Variants in BNC2 observed in about 807,000 individuals in gnomAD.
The protein encoded by BNC2 is basonuclin zinc finger protein 2, also known as zinc finger protein basonuclin-2.
In BNC2, 20 loss-of-function variants were observed where a neutral mutation model predicts 76.3. The ratio of observed to expected loss-of-function variants is 0.26; its 90% CI spans 0.18 to 0.38. BNC2 has a LOEUF of 0.38. Among genes scored for constraint, BNC2 ranks in the 10% least tolerant of loss-of-function variants. The pLI, the probability that BNC2 is intolerant of heterozygous loss-of-function variation, is 1.00. For synonymous variants in BNC2, 582 were observed against 514.8 expected, an observed-to-expected ratio of 1.13 and a Z score of -1.77; for missense variants, 1,382 against 1,399.8, an observed-to-expected ratio of 0.99 and a Z score of 0.20.
chr9:16,565,933 G>A (rs907600890), intron 4 of BNC2, among the ~76,000 whole-genome samples: 6 of 148,612 alleles, frequency 4.0e-5, no homozygotes, highest in African/African-American at 1.6e-4. Flanking sequence ...AGCCAATTCG[G>A]CCAGGACATG....
intron 3 of BNC2, among the ~76,000 whole-genome samples, chr9:16,586,589 C>G (rs1819777086): frequency 9.3e-6 from 1 of 107,686 alleles, no homozygotes; most frequent in Non-Finnish European, 1.9e-5. Context: ...TTTCTGGCAT[C>G]AACTGCTCTC....
At chr9:16,855,322 G>T (rs1013564632) in intron 1 of BNC2, among the ~76,000 whole-genome samples, 3 of 152,130 alleles carry the variant, frequency 2.0e-5, no homozygotes, top group Non-Finnish European at 4.4e-5. Flanking sequence ...AGTGAATTTT[G>T]TGCTCTCTCT....
chr9:16,663,128 C>CTATTTTTTTTTTTTTTTTTTTTTTTT (rs1220327938), intron 3 of BNC2, among the ~76,000 whole-genome samples: 1 of 51,650 alleles, frequency 1.9e-5, no homozygotes, highest in African/African-American at 6.9e-5. Context: ...ACTCTGTTTA[C>CTATTTTTTTTTTTTTTTTTTTTTTTT]TCTTTTTTTT....
At chr9:16,438,565 A>C (rs1225606337) in intron 5 of BNC2, among the ~76,000 whole-genome samples, 2 of 152,150 alleles carry the variant, frequency 1.3e-5, no homozygotes, top group Non-Finnish European at 2.9e-5. Context: ...AGAGAGATCT[A>C]TTCAAACACT....
rs968821969 is a variant in BNC2, at chr9:16,418,794, T to C, written c.*195A>G. The C allele has an allele frequency of 1.7e-5, 11 of 650,930 alleles. No individual in the cohort carries two copies. The highest frequency in any genetic ancestry group is 2.9e-5 in the Admixed American group (1 of 33,958). 40.3% of individuals were successfully genotyped at this position (650,930 alleles called of 1,614,324 possible). On this transcript the variant is annotated 3_prime_UTR_variant, in exon 7 of 7. Transcript: ENST00000380672. Reference sequence around the variant, plus strand: ...AAACTATAAAGGGAAGTGAAAAAAATTCAAAAGCACCTAGTGTTTATCTTG... The same window carrying C: ...AAACTATAAAGGGAAGTGAAAAAAACTCAAAAGCACCTAGTGTTTATCTTG...
At chr9:16,472,142 A>G (rs1821838594) in intron 5 of BNC2, among the ~76,000 whole-genome samples, 2 of 152,124 alleles carry the variant, frequency 1.3e-5, no homozygotes, top group Non-Finnish European at 2.9e-5. Flanking sequence ...TTTTCTTAAG[A>G]TCTGTAAGGA....
chr9:16,792,394 G>A (rs1817536458), intron 1 of BNC2, among the ~76,000 whole-genome samples: 1 of 152,148 alleles, frequency 6.6e-6, no homozygotes, highest in South Asian at 2.1e-4. Flanking sequence ...GCTTTCCTCA[G>A]AAAGAAGGAT....
intron 5 of BNC2, among the ~76,000 whole-genome samples, chr9:16,465,666 A>G (rs1478846721): frequency 6.6e-6 from 1 of 152,118 alleles, no homozygotes; most frequent in African/African-American, 2.4e-5. Context: ...CATGAATATT[A>G]TAAGACAAAT....
At chr9:16,476,928 A>G (rs893258549) in intron 5 of BNC2, among the ~76,000 whole-genome samples, 1 of 152,198 alleles carries the variant, frequency 6.6e-6, no homozygotes, top group African/African-American at 2.4e-5. Flanking sequence ...TGGTAGGGAA[A>G]GAACATTAGC....
At chr9:16,797,770 A>G (rs1247536395) in intron 1 of BNC2, among the ~76,000 whole-genome samples, 1 of 152,088 alleles carries the variant, frequency 6.6e-6, no homozygotes, top group Non-Finnish European at 1.5e-5. Context: ...ATCCCCACCA[A>G]AAGTTGCCCA....
In BNC2 at chr9:16,467,453, C is replaced by T. The variant is rs1587062376; in HGVS notation, c.670-29929G>A. On this transcript the variant is annotated intron_variant, in intron 5 of 6. Transcript: ENST00000380672. ...AACCCAAATGTCCAACAATGATAGACTGGATTAAGAAAATGTGGCACATAT... is the reference window on the plus strand; with the variant it reads ...AACCCAAATGTCCAACAATGATAGATTGGATTAAGAAAATGTGGCACATAT... Among the ~76,000 whole-genome samples, 3 of 141,586 alleles carry T rather than the reference C, an allele frequency of 2.1e-5. No individual in the cohort carries two copies. In the East Asian group the frequency reaches 6.3e-4, roughly 30 times the overall value. The allele number at this position is 141,586 out of a possible 152,430, so 92.9% of individuals were successfully genotyped here. A position where few individuals can be genotyped will look rare whatever the true frequency, so the allele number is the denominator to read the frequency against.
chr9:16,779,114 T>TAAAA (rs143267899), intron 1 of BNC2, among the ~76,000 whole-genome samples: 2 of 85,542 alleles, frequency 2.3e-5, no homozygotes, highest in Non-Finnish European at 4.4e-5. Flanking sequence ...ACAAAAATTG[T>TAAAA]AAAAAAAAAA....
At chr9:16,805,570 C>T (rs550899543) in intron 1 of BNC2, among the ~76,000 whole-genome samples, 5 of 152,262 alleles carry the variant, frequency 3.3e-5, no homozygotes, top group South Asian at 4.2e-4. Flanking sequence ...TCAGGTGATC[C>T]GCCTGCCTCA....
At chr9:16,854,190 T>A (rs1051163562) in intron 1 of BNC2, among the ~76,000 whole-genome samples, 1 of 152,168 alleles carries the variant, frequency 6.6e-6, no homozygotes, top group Non-Finnish European at 1.5e-5. Flanking sequence ...GAAGGAAAGA[T>A]TGAAAGGTAA....
intron 3 of BNC2, among the ~76,000 whole-genome samples, chr9:16,721,162 A>T (rs894779846): frequency 6.6e-6 from 1 of 152,090 alleles, no homozygotes; most frequent in Non-Finnish European, 1.5e-5. Flanking sequence ...GCACATTTTA[A>T]AACTTCTTAG....
intron 3 of BNC2, among the ~76,000 whole-genome samples, chr9:16,681,263 A>G (rs1180338756): frequency 6.6e-6 from 1 of 152,176 alleles, no homozygotes; most frequent in African/African-American, 2.4e-5. Flanking sequence ...TAAACAATTA[A>G]TTTCATACGG....
In BNC2 at chr9:16,416,105, T is replaced by G. The variant is rs1295799973; in HGVS notation, c.*2884A>C. 6.6e-6 allele frequency: 1 copy of G among 152,238 alleles called. No individual in the cohort carries two copies. The highest frequency in any genetic ancestry group is 2.4e-5 in the African/African-American group (1 of 41,466). The allele number at this position is 152,238 out of a possible 1,614,324, so 9.4% of individuals were successfully genotyped here. A position where few individuals can be genotyped will look rare whatever the true frequency, so the allele number is the denominator to read the frequency against. On this transcript the variant is annotated 3_prime_UTR_variant, in exon 7 of 7. Transcript: ENST00000380672. ...ATTTGCTGATGTGACTGCCGACAGC[T>G]ATGTAATTCACTCACGAGGGCTATC...
intron 4 of BNC2, among the ~76,000 whole-genome samples, chr9:16,576,919 G>A (rs1305223219): frequency 1.3e-5 from 2 of 152,138 alleles, no homozygotes; most frequent in Non-Finnish European, 2.9e-5. Context: ...TGTATTTTTA[G>A]TAGAGACGGG....
chr9:16,619,110 A>T (rs1820792757), intron 3 of BNC2, among the ~76,000 whole-genome samples: 1 of 152,170 alleles, frequency 6.6e-6, no homozygotes, highest in Non-Finnish European at 1.5e-5. Context: ...TGAGAGAGGG[A>T]AAGAGAATAA....
Sources: allele counts gnomAD v4.1 joint callset (sites outside exome capture counted in the v4.1 genomes callset), GRCh38; gene constraint gnomAD v4.1.1; transcripts MANE v1.5; gene names NCBI Gene and HGNC (gene_info 2026-07-23, HGNC 2026-07-21).